The following ZNF723 variants were observed in gnomAD, a reference collection of about 807,000 sequenced individuals.
ZNF723 encodes zinc finger protein 723, pseudogene.
A neutral mutation model predicts 9.4 loss-of-function variants in ZNF723; 5 were observed. That is an observed-to-expected ratio of 0.53 (90% CI 0.28 to 1.12). ZNF723 has a LOEUF of 1.12. Ranked by LOEUF, ZNF723 falls within the 50% of genes most tolerant of loss-of-function variation. The pLI is 0.10. For synonymous variants in ZNF723, 158 were observed against 168.8 expected (o/e 0.94, Z 0.49); for missense variants, 450 against 501.5 (o/e 0.90, Z 0.98).
intron 1 of ZNF723, among the ~76,000 whole-genome samples, chr19:22,842,054 G>A (rs1388246495): frequency 6.6e-6 from 1 of 152,186 alleles, no homozygotes; most frequent in Non-Finnish European, 1.5e-5. Flanking sequence ...CCCAAGGCCA[G>A]AGTGCAGTGA....
intron 3 of ZNF723, among the ~76,000 whole-genome samples, chr19:22,851,848 G>A (rs920005742): frequency 4.6e-5 from 7 of 152,186 alleles, no homozygotes; most frequent in East Asian, 1.9e-4. Context: ...GGGCAATGGC[G>A]CGATCTGGGC....
chr19:22,834,888 G>T (rs903595156), intron 1 of ZNF723, among the ~76,000 whole-genome samples: 1 of 152,064 alleles, frequency 6.6e-6, no homozygotes, highest in South Asian at 2.1e-4. Context: ...GAAAGTGCAA[G>T]AATTTGCAAA....
At chr19:22,821,880 G>A in the ZNF723 span, among the ~76,000 whole-genome samples, 1 of 152,138 alleles carries the variant, frequency 6.6e-6, no homozygotes, top group African/African-American at 2.4e-5. Flanking sequence ...GGGCCAAGGC[G>A]GGTGGATCAC....
chr19:22,850,395 C>T (rs538787704), intron 3 of ZNF723, among the ~76,000 whole-genome samples: 6 of 148,102 alleles, frequency 4.1e-5, no homozygotes, highest in Non-Finnish European at 7.4e-5. Flanking sequence ...TTAGTAGAGC[C>T]GGGGTTTCAC....
At chr19:22,849,905 A>G (rs4932694) in intron 3 of ZNF723, among the ~76,000 whole-genome samples, 31,913 of 151,938 alleles carry the variant, frequency 0.21, 3,979 homozygotes, top group African/African-American at 0.35. Context: ...GTGAAAGTCC[A>G]TCTCAAAAGT....
At chr19:22,852,677 C>A (rs1423263331) in intron 3 of ZNF723, among the ~76,000 whole-genome samples, 1 of 152,116 alleles carries the variant, frequency 6.6e-6, no homozygotes, top group African/African-American at 2.4e-5. Flanking sequence ...TTGTCAAAAA[C>A]ACATAATCTT....
chr19:22,832,545 G>A (rs1967110479), intron 1 of ZNF723, among the ~76,000 whole-genome samples, 163 bp downstream of exon 1: 1 of 152,194 alleles, frequency 6.6e-6, no homozygotes, highest in Admixed American at 6.5e-5. Flanking sequence ...TAAGATGGCG[G>A]CTGTACTGAC....
intron 3 of ZNF723, among the ~76,000 whole-genome samples, chr19:22,853,126 CTA>C (rs1384672161): frequency 6.6e-6 from 1 of 151,828 alleles, no homozygotes; most frequent in Non-Finnish European, 1.5e-5. Flanking sequence ...CTTTATATAA[CTA>C]TATATATGAC....
At chr19:22,845,637 G>C (rs1967297689) in intron 1 of ZNF723, among the ~76,000 whole-genome samples, 1 of 152,064 alleles carries the variant, frequency 6.6e-6, no homozygotes, top group South Asian at 2.1e-4. Flanking sequence ...CCTAAAGAGA[G>C]GAAAGGAGAA....
the ZNF723 span, among the ~76,000 whole-genome samples, chr19:22,815,650 G>A: frequency 6.6e-6 from 1 of 152,124 alleles, no homozygotes; most frequent in Non-Finnish European, 1.5e-5. Flanking sequence ...AGGTGCATTG[G>A]TTACCTCATA....
chr19:22,830,118 AAGCTTATC>A (rs1309497966), upstream of ZNF723, among the ~76,000 whole-genome samples: 4 of 151,806 alleles, frequency 2.6e-5, no homozygotes, highest in African/African-American at 9.7e-5. Flanking sequence ...TTGACTTTTT[AAGCTTATC>A]TCTCAGCTTT....
intron 1 of ZNF723, among the ~76,000 whole-genome samples, chr19:22,832,769 A>G (rs1159900566): frequency 6.6e-6 from 1 of 152,216 alleles, no homozygotes; most frequent in Non-Finnish European, 1.5e-5. Context: ...TTTCTCTGAA[A>G]TATTTATGGG....
At chr19:22,826,419 T>C in the ZNF723 span, among the ~76,000 whole-genome samples, 1 of 152,214 alleles carries the variant, frequency 6.6e-6, no homozygotes, top group Non-Finnish European at 1.5e-5. Context: ...GTTTCCTAAT[T>C]GTATGAATAT....
At chr19:22,844,686 T>C (rs1272887605) in intron 1 of ZNF723, among the ~76,000 whole-genome samples, 3 of 152,200 alleles carry the variant, frequency 2.0e-5, no homozygotes, top group Non-Finnish European at 4.4e-5. Flanking sequence ...GGATGGAGAT[T>C]AGTTATCTTC....
chr19:22,816,093 A>T, the ZNF723 span, among the ~76,000 whole-genome samples: 3 of 152,218 alleles, frequency 2.0e-5, no homozygotes, highest in African/African-American at 7.2e-5. Context: ...CACAGGAAGG[A>T]TCATGGGTCT....
At chr19:22,831,117 C>G (rs1599468725), upstream of ZNF723, among the ~76,000 whole-genome samples, 2 of 152,200 alleles carry the variant, frequency 1.3e-5, no homozygotes, top group Admixed American at 6.5e-5. Context: ...GCTTTTACAG[C>G]TGCTCCCATT....
chr19:22,849,250 G>C lies in ZNF723; in HGVS notation c.183G>C (p.Glu61Asp), dbSNP rs73924714. 1,473 of 624,404 alleles carry C rather than the reference G, an allele frequency of 2.4e-3. 12 individuals are homozygous for C. The African/African-American group carries it at 0.026, about 11-fold the overall frequency. The allele number at this position is 624,404 out of a possible 1,614,324, so 38.7% of individuals were successfully genotyped here. A position where few individuals can be genotyped will look rare whatever the true frequency, so the allele number is the denominator to read the frequency against. The change falls in exon 3 of 4, where the codon GAG becomes GAC. Residue 61 changes from glutamate (E) to aspartate (D), a missense_variant. Glu to Asp is a conservative substitution (Grantham distance 45). Transcript: ENST00000600766. ...DLITCLEQGK[E>D]PWNMKRHKMV... is the part of the protein sequence containing the mutation. Reference sequence around the variant, plus strand: ...TCACCTGTCTGGAGCAAGGAAAAGAGCCCTGGAATATGAAGAGACACAAGA... The same window carrying C: ...TCACCTGTCTGGAGCAAGGAAAAGACCCCTGGAATATGAAGAGACACAAGA...
chr19:22,854,436 A>AG, intron 3 of ZNF723, among the ~76,000 whole-genome samples: 1 of 152,276 alleles, frequency 6.6e-6, no homozygotes, highest in Non-Finnish European at 1.5e-5. Context: ...TTGGGTTTTA[A>AG]GATTTTTTAA....
the ZNF723 span, among the ~76,000 whole-genome samples, chr19:22,817,550 C>A: frequency 1.3e-5 from 2 of 151,862 alleles, no homozygotes; most frequent in Non-Finnish European, 2.9e-5. Context: ...ATTGCTGGGC[C>A]CAGCACTGAG....
Sources: gnomAD v4.1 joint callset for allele counts (sites outside exome capture counted in the v4.1 genomes callset) on GRCh38, gnomAD v4.1.1 for gene constraint, MANE v1.5 for transcripts, NCBI Gene and HGNC (gene_info 2026-07-23, HGNC 2026-07-21) for gene names.